The following SETBP1 variants were observed in gnomAD, a reference collection of about 807,000 sequenced individuals.
The protein encoded by SETBP1 is SET binding protein 1.
A neutral mutation model predicts 101.0 loss-of-function variants in SETBP1; 9 were observed. That is an observed-to-expected ratio of 0.09 (90% CI 0.05 to 0.16). The LOEUF is 0.16. Among genes scored for constraint, SETBP1 ranks in the 10% least tolerant of loss-of-function variants. SETBP1 has a pLI of 1.00. For missense variants in SETBP1, 1,858 were observed against 2,033.8 expected (o/e 0.91, Z 1.66); for synonymous variants, 818 against 788.5 (o/e 1.04, Z -0.63).
At position 44,926,382 on chromosome 18, in the gene SETBP1, A is replaced by C. The variant is rs552309371; in HGVS notation, c.541-23499A>C. Reference sequence around the variant, plus strand: ...AAGCTTCCATAAGGCCACAGAAGAAAGCTTTTCCCTGCATGATTTTGTCTG... The same window carrying C: ...AAGCTTCCATAAGGCCACAGAAGAACGCTTTTCCCTGCATGATTTTGTCTG... On this transcript the variant is annotated intron_variant, in intron 3 of 5. Transcript: ENST00000649279. Among the ~76,000 whole-genome samples the C allele has an allele frequency of 2.6e-5, 4 of 152,336 alleles. No individual in the cohort carries two copies. In the East Asian group the frequency reaches 7.7e-4, roughly 29 times the overall value.
chr18:45,056,921 C>G (rs1044924451), intron 5 of SETBP1, among the ~76,000 whole-genome samples: 2 of 152,172 alleles, frequency 1.3e-5, no homozygotes, highest in African/African-American at 2.4e-5. Context: ...AAAGTTCTTT[C>G]ACAATAAACC....
intron 4 of SETBP1, among the ~76,000 whole-genome samples, chr18:45,031,993 C>T (rs914809010): frequency 3.9e-4 from 59 of 152,120 alleles, no homozygotes; most frequent in African/African-American, 1.3e-3. Flanking sequence ...AATGTAATTT[C>T]TGCTTTTGCT....
intron 3 of SETBP1, among the ~76,000 whole-genome samples, chr18:44,946,390 C>G (rs1339623311): frequency 6.6e-6 from 1 of 152,238 alleles, no homozygotes; most frequent in Non-Finnish European, 1.5e-5. Context: ...CACCTTTCAA[C>G]TGCTAGGGTG....
chr18:44,794,072 G>A (rs919575657), intron 2 of SETBP1, among the ~76,000 whole-genome samples: 5 of 152,168 alleles, frequency 3.3e-5, no homozygotes, highest in African/African-American at 1.2e-4. Flanking sequence ...GAGGTTGGTT[G>A]GCAGGTAAAT....
At chr18:45,024,758 C>A (rs2073132451) in intron 4 of SETBP1, among the ~76,000 whole-genome samples, 1 of 152,150 alleles carries the variant, frequency 6.6e-6, no homozygotes, top group South Asian at 2.1e-4. Flanking sequence ...AGTGAAATTA[C>A]CTTAGAGGAG....
intron 4 of SETBP1, among the ~76,000 whole-genome samples, chr18:44,965,798 T>A (rs1599385723): frequency 6.6e-6 from 1 of 152,170 alleles, no homozygotes. Context: ...TAGAGGAGAA[T>A]TCTGTTTCTG....
At chr18:44,846,693 T>C (rs975833612) in intron 2 of SETBP1, among the ~76,000 whole-genome samples, 2 of 152,244 alleles carry the variant, frequency 1.3e-5, no homozygotes, top group Non-Finnish European at 2.9e-5. Context: ...GAAGTGTTTG[T>C]TGAATGACCA....
chr18:44,948,744 T>G (rs1259535445), intron 3 of SETBP1, among the ~76,000 whole-genome samples: 1 of 152,252 alleles, frequency 6.6e-6, no homozygotes, highest in Non-Finnish European at 1.5e-5. Flanking sequence ...AAAATTCATC[T>G]GGAACAGTGA....
chr18:44,928,753 C>T (rs192735490), intron 3 of SETBP1, among the ~76,000 whole-genome samples: 4 of 152,202 alleles, frequency 2.6e-5, no homozygotes, highest in Admixed American at 1.3e-4. Context: ...TGTTCATAGC[C>T]TTTACCCACT....
intron 4 of SETBP1, among the ~76,000 whole-genome samples, chr18:44,982,288 G>T (rs781387949): frequency 3.3e-5 from 5 of 152,226 alleles, no homozygotes; most frequent in Non-Finnish European, 7.3e-5. Context: ...GCAGAGTGCC[G>T]GGCTGGGGAG....
intron 5 of SETBP1, among the ~76,000 whole-genome samples, chr18:45,042,339 G>A (rs565774511): frequency 3.9e-5 from 6 of 152,014 alleles, no homozygotes; most frequent in African/African-American, 7.2e-5. Flanking sequence ...TAGTAGAGGC[G>A]GGGTTTCACC....
At chr18:44,925,873 C>A (rs1008701452) in intron 3 of SETBP1, among the ~76,000 whole-genome samples, 1 of 152,108 alleles carries the variant, frequency 6.6e-6, no homozygotes, top group Non-Finnish European at 1.5e-5. Flanking sequence ...AGGAGTGATA[C>A]CCAGAGAGGT....
chr18:45,043,207 C>G (rs553558853), intron 5 of SETBP1, among the ~76,000 whole-genome samples: 1 of 152,042 alleles, frequency 6.6e-6, no homozygotes, highest in African/African-American at 2.4e-5. Context: ...TGTTTTTTCC[C>G]CTTATATTTA....
intron 2 of SETBP1, among the ~76,000 whole-genome samples, chr18:44,828,650 C>G (rs1031843504): frequency 2.0e-5 from 3 of 152,204 alleles, no homozygotes; most frequent in Admixed American, 6.5e-5. Flanking sequence ...TGCTTTGTAT[C>G]TACAGGGCTG....
At chr18:44,993,965 G>A (rs549318929) in intron 4 of SETBP1, among the ~76,000 whole-genome samples, 43 of 151,914 alleles carry the variant, frequency 2.8e-4, no homozygotes, top group Non-Finnish European at 4.7e-4. Flanking sequence ...GAATAGGAAA[G>A]TATTCTTAAG....
rs2069217678 is a variant in SETBP1 at position 44,869,420 on chromosome 18, G to A, written c.540+137G>A. 25 of 794,596 alleles carry A rather than the reference G, an allele frequency of 3.1e-5. No homozygotes were observed. In the East Asian group the frequency reaches 6.5e-4, roughly 21 times the overall value. The allele number at this position is 794,596 out of a possible 1,614,324, so 49.2% of individuals were successfully genotyped here. ...CTTCTTTCCCTAGCTAACTGACAAT[G>A]ACCTGGTGGCTTGCTCTCCTCCTCC... On this transcript the variant is annotated intron_variant, in intron 3 of 5. Transcript: ENST00000649279.
At chr18:44,748,930 C>T (rs1184452526) in intron 2 of SETBP1, among the ~76,000 whole-genome samples, 1 of 152,194 alleles carries the variant, frequency 6.6e-6, no homozygotes, top group African/African-American at 2.4e-5. Flanking sequence ...CTCCCAGGGG[C>T]TGCTGCAGAA....
At chr18:44,949,839 T>C in intron 3 of SETBP1, 42 bp from the exon 4 acceptor site, 4 of 1,466,052 alleles carry the variant, frequency 2.7e-6, no homozygotes, top group Non-Finnish European at 3.8e-6. Flanking sequence ...TCTTTGTTTC[T>C]CTCTCTCTGT....
chr18:44,877,069 T>A, intron 3 of SETBP1: 1 of 1,050,440 alleles, frequency 9.5e-7, no homozygotes, highest in Non-Finnish European at 1.1e-6. Context: ...TCTCTAGGCC[T>A]TTTTTCTAGC....
Sources: gnomAD v4.1 joint callset for allele counts (sites outside exome capture counted in the v4.1 genomes callset) on GRCh38, gnomAD v4.1.1 for gene constraint, MANE v1.5 for transcripts, NCBI Gene and HGNC (gene_info 2026-07-23, HGNC 2026-07-21) for gene names.